CYRIB: variants seen among roughly 807,000 people sequenced by gnomAD.
CYRIB encodes CYFIP related Rac1 interactor B, also known as CYFIP-related Rac1 interactor B.
A neutral mutation model predicts 44.2 loss-of-function variants in CYRIB; 8 were observed. The ratio of observed to expected loss-of-function variants is 0.18; its 90% CI spans 0.11 to 0.33. CYRIB has a LOEUF of 0.33. Ranked by LOEUF, CYRIB falls within the 10% of genes least tolerant of loss-of-function variation. The probability of loss-of-function intolerance (pLI) is 1.00; values close to 1 mark genes in which losing one functional copy is unlikely to be tolerated. For synonymous variants in CYRIB, 131 were observed against 127.2 expected (o/e 1.03, Z -0.20); for missense variants, 185 against 382.8 (o/e 0.48, Z 4.31).
intron 1 of CYRIB, 35 bp downstream of exon 3, chr8:129,904,464 A>C (rs976130262): frequency 2.0e-5 from 3 of 152,140 alleles, no homozygotes; most frequent in African/African-American, 7.2e-5. Flanking sequence ...ATCAAGCCCC[A>C]GTTGCTCACA....
At chr8:129,958,835 G>A (rs1303492893) in intron 2 of CYRIB, among the ~76,000 whole-genome samples, 1 of 151,702 alleles carries the variant, frequency 6.6e-6, no homozygotes, top group Non-Finnish European at 1.5e-5. Context: ...GGAGGCTGAG[G>A]CGGGTGGATC....
intron 2 of CYRIB, among the ~76,000 whole-genome samples, chr8:129,895,248 CCCCA>C (rs200830831): frequency 0.015 from 2,314 of 151,450 alleles, 51 homozygotes; most frequent in African/African-American, 0.049. Flanking sequence ...AGCAATCCTC[CCCCA>C]CCCTGGCCTC....
chr8:129,973,520 C>T (rs931855320), intron 1 of CYRIB, among the ~76,000 whole-genome samples: 6 of 152,220 alleles, frequency 3.9e-5, no homozygotes, highest in African/African-American at 1.4e-4. Context: ...AGGTCCTCTC[C>T]TTCCCTGACA....
intron 1 of CYRIB, among the ~76,000 whole-genome samples, chr8:129,931,989 A>C (rs2091582734): frequency 6.6e-6 from 1 of 150,686 alleles, no homozygotes; most frequent in Non-Finnish European, 1.5e-5. Flanking sequence ...ATTCTTCATA[A>C]GTATCTTCTT....
At chr8:129,911,561 C>A (rs749829800) in intron 1 of CYRIB, among the ~76,000 whole-genome samples, 1 of 151,958 alleles carries the variant, frequency 6.6e-6, no homozygotes, top group Non-Finnish European at 1.5e-5. Flanking sequence ...CAGCACTTTG[C>A]GAGGCCAAGG....
intron 5 of CYRIB, among the ~76,000 whole-genome samples, chr8:129,857,568 T>C (rs1353508029): frequency 2.0e-5 from 3 of 152,178 alleles, no homozygotes; most frequent in Admixed American, 6.5e-5. Flanking sequence ...CTAATGTCCC[T>C]AGAGAAATCA....
intron 7 of CYRIB, among the ~76,000 whole-genome samples, chr8:129,853,066 C>T (rs533351772): frequency 9.3e-4 from 141 of 152,104 alleles, no homozygotes; most frequent in Middle Eastern, 6.8e-3. Flanking sequence ...GAATTAGGCT[C>T]TCTGTTGGAA....
chr8:129,904,372 G>A (rs574886837), intron 1 of CYRIB, 127 bp downstream of exon 3: 2 of 152,256 alleles, frequency 1.3e-5, no homozygotes, highest in African/African-American at 4.8e-5. Context: ...TGACCAACGA[G>A]AGATGGGATC....
At chr8:129,987,224 C>T (rs952361518) in intron 1 of CYRIB, among the ~76,000 whole-genome samples, 3 of 152,220 alleles carry the variant, frequency 2.0e-5, no homozygotes, top group Admixed American at 1.3e-4. Context: ...AGCTGGGGCC[C>T]CTGGATCAGC....
rs541174105 is a variant in CYRIB at position 129,866,494 on chromosome 8, T to TA, written c.196-4161dup. 7.3e-3 allele frequency among the ~76,000 whole-genome samples: 1,056 copies of TA among 145,170 alleles called. 9 individuals are homozygous for TA. Among genetic ancestry groups the TA allele is most frequent in the African/African-American group, 0.024 (950 of 39,494 alleles). ...TCTTGAGATCTAAATTCCTTTCTAC[T>TA]AAAAAAAAAAATAATAATAACTTAA... On this transcript the variant is annotated intron_variant, in intron 4 of 11. Coordinates refer to ENST00000519824, the Ensembl canonical transcript of CYRIB.
intron 1 of CYRIB, among the ~76,000 whole-genome samples, chr8:129,923,232 A>G (rs1438327675): frequency 2.2e-5 from 3 of 138,190 alleles, no homozygotes. Context: ...AACAAGAGCA[A>G]AACTCTTAAA....
At chr8:129,910,631 A>G (rs1415490184) in intron 1 of CYRIB, among the ~76,000 whole-genome samples, 1 of 151,824 alleles carries the variant, frequency 6.6e-6, no homozygotes, top group Non-Finnish European at 1.5e-5. Flanking sequence ...GACCATATAC[A>G]CACAAAAATT....
chr8:129,941,417 G>A (rs1467360070), upstream of CYRIB, among the ~76,000 whole-genome samples: 6 of 151,720 alleles, frequency 4.0e-5, no homozygotes, highest in Non-Finnish European at 8.8e-5. Context: ...GGGATTACAG[G>A]TGCACACCAC....
intron 1 of CYRIB, among the ~76,000 whole-genome samples, chr8:129,918,350 A>G (rs1278933917): frequency 6.6e-6 from 1 of 152,158 alleles, no homozygotes; most frequent in East Asian, 1.9e-4. Flanking sequence ...GCCTAATCCC[A>G]TGGCTTTTTG....
At chr8:129,869,071 A>G (rs945094938) in intron 4 of CYRIB, among the ~76,000 whole-genome samples, 1 of 144,336 alleles carries the variant, frequency 6.9e-6, no homozygotes, top group African/African-American at 2.5e-5. Context: ...AAAAAAAAAA[A>G]GAAGAAAAAA....
chr8:129,908,240 C>T (rs2136125857), intron 1 of CYRIB, among the ~76,000 whole-genome samples: 1 of 151,390 alleles, frequency 6.6e-6, no homozygotes, highest in South Asian at 2.1e-4. Context: ...TAAGGGATAC[C>T]AAAATGTCTT....
At chr8:129,967,126 C>T (rs1468533906) in intron 2 of CYRIB, among the ~76,000 whole-genome samples, 1 of 152,100 alleles carries the variant, frequency 6.6e-6, no homozygotes, top group Non-Finnish European at 1.5e-5. Context: ...AAAACAACAA[C>T]AAACAGAGTT....
rs1389169911 is a variant in CYRIB, at chr8:129,997,336, A to G, written c.-296+19034T>C. Among the ~76,000 whole-genome samples the G allele has an allele frequency of 5.3e-5, 8 of 152,208 alleles. No individual in the cohort carries two copies. In the South Asian group the frequency reaches 6.2e-4, roughly 12 times the overall value. On this transcript the variant is annotated intron_variant, in intron 1 of 14. Transcript: ENST00000401979. ...CCACAGTAGAAGAGAAACAGACAGA[A>G]TGAGCCTCCTTTTTTGGCCATTGCT...
At chr8:129,848,907 C>T (rs1256080357) in intron 10 of CYRIB, among the ~76,000 whole-genome samples, 1 of 152,174 alleles carries the variant, frequency 6.6e-6, no homozygotes, top group Non-Finnish European at 1.5e-5. Flanking sequence ...CTGAAATAAA[C>T]ATTTTATTTG....
Sources: allele counts gnomAD v4.1 joint callset (sites outside exome capture counted in the v4.1 genomes callset), GRCh38; gene constraint gnomAD v4.1.1; transcripts MANE v1.5; gene names NCBI Gene and HGNC (gene_info 2026-07-23, HGNC 2026-07-21).